Variants in BRD8 observed in about 807,000 individuals in gnomAD.
The protein encoded by BRD8 is bromodomain containing 8.
In BRD8, 67 loss-of-function variants were observed where a neutral mutation model predicts 143.1. The observed-to-expected ratio is 0.47, with a 90% CI of 0.38 to 0.57. The LOEUF is 0.57. Ranked by LOEUF, BRD8 falls within the 20% of genes least tolerant of loss-of-function variation. BRD8 has a pLI of 0.00. For synonymous variants in BRD8, 505 were observed against 517.1 expected (o/e 0.98, Z 0.32); for missense variants, 1,103 against 1,503.0 (o/e 0.73, Z 4.40).
chr5:138,172,164 C>T (rs1177178695), intron 2 of BRD8, 30 bp from the exon 3 acceptor site: 7 of 1,572,224 alleles, frequency 4.5e-6, no homozygotes, highest in Non-Finnish European at 6.1e-6. Flanking sequence ...TTATTACACA[C>T]CAAGCAGAAA....
chr5:138,147,325 T>A (rs1157825235), intron 23 of BRD8, among the ~76,000 whole-genome samples: 5 of 149,580 alleles, frequency 3.3e-5, no homozygotes, highest in African/African-American at 1.2e-4. Flanking sequence ...TATTCATATA[T>A]AAATATATGC....
At chr5:138,168,149 A>T in intron 8 of BRD8, 71 bp from the exon 9 acceptor site, 1 of 1,150,884 alleles carries the variant, frequency 8.7e-7, no homozygotes, top group Non-Finnish European at 1.3e-6. Context: ...ACAAAGCTCC[A>T]GCAGTTGATC....
intron 26 of BRD8, 114 bp downstream of exon 26, chr5:138,140,591 C>T (rs779498385): frequency 8.0e-7 from 1 of 1,254,410 alleles, no homozygotes; most frequent in East Asian, 2.3e-5. Context: ...CCTTCAGGGC[C>T]TTAATCACCT....
chr5:138,162,716 G>T (rs115779586), intron 15 of BRD8, among the ~76,000 whole-genome samples: 1,979 of 152,016 alleles, frequency 0.013, 38 homozygotes, highest in African/African-American at 0.045. Flanking sequence ...AAAGAAAAAG[G>T]CCAGGCATGG....
chr5:138,175,390 G>C (rs964642392), intron 2 of BRD8, among the ~76,000 whole-genome samples: 5 of 152,068 alleles, frequency 3.3e-5, no homozygotes, highest in African/African-American at 4.8e-5. Context: ...CAAAAGAAAG[G>C]GGGTGAGGGG....
intron 20 of BRD8, among the ~76,000 whole-genome samples, chr5:138,156,577 C>T (rs1752609714): frequency 2.0e-5 from 3 of 152,156 alleles, no homozygotes; most frequent in Non-Finnish European, 2.9e-5. Context: ...TACCTATGTC[C>T]ATGCTCTAAT....
chr5:138,148,363 CTCTTT>C lies in BRD8; in HGVS notation c.3278+1272_3278+1276del, dbSNP rs572995823. Among the ~76,000 whole-genome samples, 570 of 152,056 alleles carry C rather than the reference CTCTTT, an allele frequency of 3.7e-3. 4 individuals are homozygous for C. The highest frequency in any genetic ancestry group is 0.013 in the African/African-American group (537 of 41,490). On this transcript the variant is annotated intron_variant, in intron 23 of 26. Coordinates refer to ENST00000254900, the MANE Select transcript of BRD8 (RefSeq NM_139199.2). ...CAAACTTCAAAATAATTTTTTTCTT[CTCTTT>C]TATTTCTTGTTTTGTTTTCTGAGAC... is the stretch of plus-strand genomic sequence containing the variant.
At chr5:138,144,810 G>C in intron 25 of BRD8, among the ~76,000 whole-genome samples, 1 of 149,270 alleles carries the variant, frequency 6.7e-6, no homozygotes, top group East Asian at 2.0e-4. Flanking sequence ...GCTGAGGCTG[G>C]AGAATAGCTG....
Position 138,145,806 on chromosome 5 carries a change from C to G in BRD8, c.3351G>C (p.Lys1117Asn), listed in dbSNP as rs369011132. 6.2e-7 allele frequency: 1 copy of G among 1,613,922 alleles called. No homozygotes were observed. The highest frequency in any genetic ancestry group is 8.5e-7 in the Non-Finnish European group (1 of 1,179,924). Residue 1117 changes from lysine to asparagine, a missense_variant, in exon 24 of 27, where the codon AAG becomes AAC. Around this residue, in one of 7 missense-constraint regions of BRD8, gnomAD observed 369 missense variants for 445.5 expected, o/e 0.83. Transcript: ENST00000254900. ...AGACCTACCTGTGACTGGCAATCAT[C>G]TTCCAGACTGGCAGGAGAGTCTTCT... Reference protein sequence around the residue: ...LFKKTLLPVWKMIASHRFSSP... With the variant: ...LFKKTLLPVWNMIASHRFSSP...
chr5:138,147,937 C>CA (rs557089538), intron 23 of BRD8, among the ~76,000 whole-genome samples: 33 of 140,402 alleles, frequency 2.4e-4, no homozygotes, highest in South Asian at 1.4e-3. Flanking sequence ...GATCCTATCT[C>CA]AAAAAAAAAA....
intron 8 of BRD8, 105 bp from the exon 9 acceptor site, chr5:138,168,183 A>G (rs1561615877): frequency 7.5e-6 from 6 of 797,022 alleles, no homozygotes; most frequent in Non-Finnish European, 1.0e-5. Context: ...ACTAATAGCT[A>G]ATATCCACAG....
chr5:138,164,667 C>T, intron 12 of BRD8, 47 bp downstream of exon 12: 1 of 1,589,828 alleles, frequency 6.3e-7, no homozygotes, highest in Non-Finnish European at 8.6e-7. Context: ...CACTTCTTAT[C>T]TAAGGTATAA....
At chr5:138,148,709 T>C (rs930793903) in intron 23 of BRD8, among the ~76,000 whole-genome samples, 2 of 152,120 alleles carry the variant, frequency 1.3e-5, no homozygotes, top group African/African-American at 2.4e-5. Flanking sequence ...TCCTCTTCCT[T>C]GTCTCCATCA....
At chr5:138,147,094 T>G (rs1288937580) in intron 23 of BRD8, among the ~76,000 whole-genome samples, 11 of 151,528 alleles carry the variant, frequency 7.3e-5, no homozygotes, top group Admixed American at 5.3e-4. Flanking sequence ...AATGAAGGCA[T>G]TCCTCACCAA....
Position 138,160,884 on chromosome 5 carries a change from A to G in BRD8, c.2427+7T>C. ...CCTTGCTGAAACACAAAGGATCCTC[A>G]AAGTACCTGGATCTGTTCCAAGACA... On this transcript the variant is annotated splice_region_variant and intron_variant, in intron 18 of 26. Coordinates refer to ENST00000254900, the MANE Select transcript of BRD8 (RefSeq NM_139199.2). 1 of 1,562,922 alleles carries G rather than the reference A, an allele frequency of 6.4e-7. No individual in the cohort carries two copies. The highest frequency in any genetic ancestry group is 1.2e-5 in the South Asian group (1 of 83,952).
chr5:138,165,952 G>A lies in BRD8; in HGVS notation c.1154C>T (p.Ala385Val). The A allele has an allele frequency of 3.1e-6, 5 of 1,614,152 alleles. No individual in the cohort carries two copies. The highest frequency in any genetic ancestry group is 4.2e-6 in the Non-Finnish European group (5 of 1,180,030). ...TTCTTCCTTCCCATCTATGCTGGGAGCCTTTGATCCAACAGGAGCCTCTGC... is the reference window on the plus strand; with the variant it reads ...TTCTTCCTTCCCATCTATGCTGGGAACCTTTGATCCAACAGGAGCCTCTGC... ...GVAEAPVGSK[A>V]PSIDGKEELD... is the part of the protein sequence containing the mutation. The change falls in exon 11 of 27, where the codon GCT (alanine) becomes GTT (valine). Residue 385 changes from alanine to valine, a missense_variant. Transcript: ENST00000254900.
At position 138,140,006 on chromosome 5, in the gene BRD8, G is replaced by C; in HGVS notation, c.*68C>G. The C allele has an allele frequency of 8.0e-7, 1 of 1,244,576 alleles. No individual in the cohort carries two copies. Among genetic ancestry groups the C allele is most frequent in the Non-Finnish European group, 1.2e-6 (1 of 852,296 alleles). The allele number at this position is 1,244,576 out of a possible 1,614,324, so 77.1% of individuals were successfully genotyped here. ...TGAGGACATGGCAAAGAAGTACCAG[G>C]ATCCTCTCTAGGTCAGAGTTCCGGG... On this transcript the variant is annotated 3_prime_UTR_variant, in exon 27 of 27. Transcript: ENST00000254900.
intron 6 of BRD8, chr5:138,170,613 A>T (rs1753786648): frequency 2.5e-6 from 2 of 790,098 alleles, no homozygotes; most frequent in East Asian, 4.9e-5. Flanking sequence ...GCCACTCTTA[A>T]GTTAGAACTA....
chr5:138,158,958 C>T (rs747821907), intron 20 of BRD8, among the ~76,000 whole-genome samples: 1 of 150,566 alleles, frequency 6.6e-6, no homozygotes, highest in Non-Finnish European at 1.5e-5. Context: ...TTGTTGTTGC[C>T]GTTTTTAAAT....
Sources: allele counts gnomAD v4.1 joint callset (sites outside exome capture counted in the v4.1 genomes callset), GRCh38; gene constraint gnomAD v4.1.1; regional missense constraint gnomAD v4.1.1; transcripts MANE v1.5; gene names NCBI Gene and HGNC (gene_info 2026-07-23, HGNC 2026-07-21).